MICAL3: variants seen among roughly 807,000 people sequenced by gnomAD.
MICAL3 encodes the protein [F-actin]-monooxygenase MICAL3.
MICAL3 carries 62 observed loss-of-function variants against 207.4 expected under a neutral mutation model. That is an observed-to-expected ratio of 0.30 (90% CI 0.24 to 0.37). The LOEUF (loss-of-function observed/expected upper bound fraction) is 0.37. Among genes scored for constraint, MICAL3 ranks in the 10% least tolerant of loss-of-function variants. The pLI, the probability that MICAL3 is intolerant of heterozygous loss-of-function variation, is 1.00. For synonymous variants in MICAL3, 1,077 were observed against 1,069.3 expected, an observed-to-expected ratio of 1.01 and a Z score of -0.14; for missense variants, 2,368 against 2,635.6, an observed-to-expected ratio of 0.90 and a Z score of 2.22.
chr22:17,885,603 A>G (rs568787031), intron 16 of MICAL3, among the ~76,000 whole-genome samples: 1 of 150,524 alleles, frequency 6.6e-6, no homozygotes, highest in Non-Finnish European at 1.5e-5. Flanking sequence ...ACATGTACAG[A>G]TGTACAGGTA....
chr22:17,815,340 G>A (rs1015179378), intron 27 of MICAL3: 3 of 152,280 alleles, frequency 2.0e-5, no homozygotes, highest in Non-Finnish European at 2.9e-5. Context: ...ACAGCAACGT[G>A]AGGGAGGTGG....
intron 19 of MICAL3, among the ~76,000 whole-genome samples, chr22:17,859,837 G>A (rs1467319228): frequency 6.6e-6 from 1 of 152,188 alleles, no homozygotes; most frequent in Non-Finnish European, 1.5e-5. Flanking sequence ...CGCCCAGCCT[G>A]CGGGCCCTCC....
chr22:17,832,052 G>T lies in MICAL3; in HGVS notation c.2857C>A (p.Leu953Met). 1 of 1,600,760 alleles carries T rather than the reference G, an allele frequency of 6.2e-7. No homozygotes were observed. ...EGEEEEEEPR[L>M]PPSDLGGVPW... ...ACACCACCCAGGTCAGATGGGGGCA[G>T]GCGAGGCTCCTCCTCCTCCTCCTCT... Residue 953 changes from leucine (L) to methionine (M), a missense_variant, in exon 21 of 32, where the codon CTG becomes ATG. Coordinates refer to ENST00000441493, the MANE Select transcript of MICAL3 (RefSeq NM_015241.3).
intron 13 of MICAL3, among the ~76,000 whole-genome samples, chr22:17,887,827 G>T (rs1011268089): frequency 1.3e-5 from 2 of 152,190 alleles, no homozygotes; most frequent in African/African-American, 4.8e-5. Flanking sequence ...GAGAGGCGAT[G>T]AACTCAGGGT....
intron 16 of MICAL3, among the ~76,000 whole-genome samples, chr22:17,877,288 T>TTATGGAGGTTAGGGAGGTTAG (rs1928762752): frequency 1.8e-5 from 1 of 54,174 alleles, no homozygotes. Flanking sequence ...AGGGAGGTTA[T>TTATGGAGGTTAGGGAGGTTAG]GGAGGTTAGG....
chr22:17,958,210 C>T (rs1033547555), intron 1 of MICAL3, among the ~76,000 whole-genome samples: 4 of 152,174 alleles, frequency 2.6e-5, no homozygotes, highest in African/African-American at 7.2e-5. Context: ...CCTCCCTATA[C>T]AGAACTCAAC....
chr22:17,974,546 A>G (rs1053241354), intron 1 of MICAL3, among the ~76,000 whole-genome samples: 8 of 151,816 alleles, frequency 5.3e-5, no homozygotes, highest in Non-Finnish European at 1.2e-4. Context: ...CCAACATGGC[A>G]AAACCTTGTC....
chr22:17,990,613 G>A (rs537014121), intron 1 of MICAL3, among the ~76,000 whole-genome samples: 1 of 152,318 alleles, frequency 6.6e-6, no homozygotes, highest in African/African-American at 2.4e-5. Flanking sequence ...GTACAGCACA[G>A]TCGGGTTCCA....
Position 17,968,732 on chromosome 22 carries a change from G to A in MICAL3, c.-75+55549C>T, listed in dbSNP as rs531271833. On this transcript the variant is annotated intron_variant, in intron 1 of 31. Coordinates refer to ENST00000441493, the MANE Select transcript of MICAL3 (RefSeq NM_015241.3). ...AGCTCACCTTCCTCAAACAGATGTG[G>A]CCACCAAACAGTTTGACGTAGGATA... Among the ~76,000 whole-genome samples the A allele has an allele frequency of 2.0e-5, 3 of 152,228 alleles. No homozygotes were observed. In the East Asian group the frequency reaches 5.8e-4, roughly 29 times the overall value.
chr22:18,003,070 T>G (rs5992959), intron 1 of MICAL3, among the ~76,000 whole-genome samples: 48,323 of 150,110 alleles, frequency 0.32, 8,039 homozygotes, highest in East Asian at 0.5. Flanking sequence ...TGAGGCAGGA[T>G]AATGGTGTGA....
chr22:17,795,993 C>T (rs971633937), intron 29 of MICAL3, among the ~76,000 whole-genome samples: 1 of 152,212 alleles, frequency 6.6e-6, no homozygotes, highest in African/African-American at 2.4e-5. Flanking sequence ...AAGATGCTGT[C>T]AAGCTTCTGG....
chr22:17,986,436 C>T (rs1921020012), intron 1 of MICAL3, among the ~76,000 whole-genome samples: 2 of 152,132 alleles, frequency 1.3e-5, no homozygotes, highest in South Asian at 2.1e-4. Flanking sequence ...AGAAGAATCG[C>T]TTAAACCCGG....
chr22:17,863,106 G>C (rs1926691435), intron 19 of MICAL3: 1 of 985,212 alleles, frequency 1.0e-6, no homozygotes, highest in South Asian at 4.7e-5. Context: ...TAATTCTTTA[G>C]AACTCCTAAA....
intron 1 of MICAL3, among the ~76,000 whole-genome samples, chr22:17,963,195 C>T (rs940686877): frequency 3.9e-5 from 6 of 152,108 alleles, no homozygotes; most frequent in African/African-American, 4.8e-5. Context: ...TCGCTGCACC[C>T]GCCGCCTCCC....
At chr22:17,824,220 C>T (rs4622822) in intron 22 of MICAL3, among the ~76,000 whole-genome samples, 1 of 152,126 alleles carries the variant, frequency 6.6e-6, no homozygotes, top group South Asian at 2.1e-4. Flanking sequence ...GCGGGCTCTC[C>T]TAGGGTTCAA....
At chr22:17,801,160 T>TC (rs1283429336) in intron 29 of MICAL3, among the ~76,000 whole-genome samples, 1 of 101,382 alleles carries the variant, frequency 9.9e-6, no homozygotes, top group Admixed American at 8.7e-5. Context: ...TTTTTTTTTT[T>TC]TTTTTTTTTT....
At chr22:17,857,498 T>C (rs1926065031) in intron 19 of MICAL3, among the ~76,000 whole-genome samples, 1 of 152,236 alleles carries the variant, frequency 6.6e-6, no homozygotes, top group Non-Finnish European at 1.5e-5. Flanking sequence ...GCCTGCGGCG[T>C]GGCTCTTCTC....
intron 1 of MICAL3, among the ~76,000 whole-genome samples, chr22:17,944,115 T>C (rs1234315181): frequency 7.5e-6 from 1 of 133,214 alleles, no homozygotes; most frequent in East Asian, 1.9e-4. Flanking sequence ...TGAGTGCATG[T>C]GTGTGTGTGT....
chr22:17,934,620 A>C (rs1049134873), intron 1 of MICAL3, among the ~76,000 whole-genome samples: 3 of 152,188 alleles, frequency 2.0e-5, no homozygotes, highest in Admixed American at 2.0e-4. Flanking sequence ...CAATCAGGCA[A>C]GAGAAAGAAA....
Sources: gnomAD v4.1 joint callset for allele counts (sites outside exome capture counted in the v4.1 genomes callset) on GRCh38, gnomAD v4.1.1 for gene constraint, MANE v1.5 for transcripts, NCBI Gene and HGNC (gene_info 2026-07-23, HGNC 2026-07-21) for gene names.